The following PDE1A variants were observed in gnomAD, a reference collection of about 807,000 sequenced individuals.
PDE1A encodes dual specificity calcium/calmodulin-dependent 3',5'-cyclic nucleotide phosphodiesterase 1A.
In PDE1A, 35 loss-of-function variants were observed where a neutral mutation model predicts 61.7. That is an observed-to-expected ratio of 0.57 (90% CI 0.43 to 0.75). The LOEUF (loss-of-function observed/expected upper bound fraction) is 0.75. Ranked by LOEUF, PDE1A falls within the 30% of genes least tolerant of loss-of-function variation. The pLI is 0.00. For missense variants in PDE1A, 597 were observed against 630.6 expected (o/e 0.95, Z 0.57); for synonymous variants, 232 against 213.2 (o/e 1.09, Z -0.77).
intron 2 of PDE1A, among the ~76,000 whole-genome samples, chr2:182,483,883 C>T (rs1291471973): frequency 6.6e-6 from 1 of 151,730 alleles, no homozygotes; most frequent in African/African-American, 2.4e-5. Context: ...GCTATGTTAA[C>T]CAAGAAAAGA....
chr2:182,379,477 C>A (rs544638424), intron 1 of PDE1A, among the ~76,000 whole-genome samples: 1 of 152,164 alleles, frequency 6.6e-6, no homozygotes, highest in South Asian at 2.1e-4. Context: ...ACTACAGAAT[C>A]CCAGCTGTTC....
intron 13 of PDE1A, among the ~76,000 whole-genome samples, chr2:182,161,907 C>A (rs992159135): frequency 6.6e-6 from 1 of 152,090 alleles, no homozygotes; most frequent in Middle Eastern, 3.2e-3. Context: ...GTTTATTTGG[C>A]TGACTGGCTG....
the PDE1A span, among the ~76,000 whole-genome samples, chr2:182,648,200 C>A: frequency 6.6e-6 from 1 of 152,108 alleles, no homozygotes; most frequent in African/African-American, 2.4e-5. Context: ...TGAGCTAGCA[C>A]TGTAGCTAAA....
the PDE1A span, among the ~76,000 whole-genome samples, chr2:182,608,553 G>A: frequency 3.9e-5 from 6 of 152,300 alleles, no homozygotes; most frequent in East Asian, 9.7e-4. Context: ...GGCACTCGGA[G>A]CCGCGCCGCA....
intron 3 of PDE1A, among the ~76,000 whole-genome samples, chr2:182,238,637 T>C (rs989832619): frequency 6.6e-6 from 1 of 152,234 alleles, no homozygotes; most frequent in Admixed American, 6.5e-5. Flanking sequence ...ACTATTTTTA[T>C]GCACCTACTA....
At chr2:182,279,798 C>A (rs1693682099) in intron 1 of PDE1A, among the ~76,000 whole-genome samples, 1 of 151,828 alleles carries the variant, frequency 6.6e-6, no homozygotes, top group Non-Finnish European at 1.5e-5. Context: ...TTTCTTCATC[C>A]ACTTAGTCCT....
the PDE1A span, among the ~76,000 whole-genome samples, chr2:182,627,034 AT>A: frequency 0.01 from 1 of 96 alleles, no homozygotes; most frequent in Non-Finnish European, 0.031. Context: ...AAATATAAAT[AT>A]ATATATTATT....
chr2:182,293,868 G>T (rs552304392), intron 1 of PDE1A, among the ~76,000 whole-genome samples: 20 of 152,128 alleles, frequency 1.3e-4, no homozygotes, highest in Non-Finnish European at 2.6e-4. Context: ...AATGACATAG[G>T]CATTGTGAGG....
At chr2:182,153,324 T>C (rs1359081353) in intron 13 of PDE1A, among the ~76,000 whole-genome samples, 1 of 152,134 alleles carries the variant, frequency 6.6e-6, no homozygotes, top group Non-Finnish European at 1.5e-5. Context: ...GGTAGGAGTA[T>C]GCTGTTAGTG....
chr2:182,386,757 G>T (rs181916244), intron 1 of PDE1A, among the ~76,000 whole-genome samples: 3,123 of 151,708 alleles, frequency 0.021, 108 homozygotes, highest in African/African-American at 0.072. Flanking sequence ...GGGAGGTGGA[G>T]GGCCAGCCCC....
chr2:182,168,164 T>C (rs941390787), exon 14 of PDE1A: 1 of 1,542,610 alleles, frequency 6.5e-7, no homozygotes, highest in African/African-American at 1.4e-5. Flanking sequence ...ACAGGGTAGA[T>C]TTCCAGCAAG....
chr2:182,708,479 C>G, the PDE1A span, among the ~76,000 whole-genome samples: 1 of 152,166 alleles, frequency 6.6e-6, no homozygotes, highest in African/African-American at 2.4e-5. Context: ...AGTTTTTGCA[C>G]TGCTCTAAAG....
At chr2:182,293,076 G>T (rs914010233) in intron 1 of PDE1A, among the ~76,000 whole-genome samples, 1 of 151,948 alleles carries the variant, frequency 6.6e-6, no homozygotes, top group African/African-American at 2.4e-5. Flanking sequence ...GTGTAAGCAG[G>T]TACTCTTTTC....
the PDE1A span, among the ~76,000 whole-genome samples, chr2:182,540,630 CTTGAT>C: frequency 3.3e-5 from 5 of 152,152 alleles, no homozygotes; most frequent in Non-Finnish European, 4.4e-5. Flanking sequence ...TTAGTTATTT[CTTGAT>C]TTAAGTAAAG....
chr2:182,291,473 A>ATGAT (rs1559301825), intron 1 of PDE1A, among the ~76,000 whole-genome samples: 1 of 152,246 alleles, frequency 6.6e-6, no homozygotes, highest in East Asian at 1.9e-4. Flanking sequence ...CCACACTGGT[A>ATGAT]TGATTATGTG....
chr2:182,473,263 C>A (rs1057410146), intron 2 of PDE1A, among the ~76,000 whole-genome samples: 54 of 151,942 alleles, frequency 3.6e-4, no homozygotes, highest in African/African-American at 1.3e-3. Context: ...GCAACAAAAG[C>A]CAAAATTGAC....
At chr2:182,264,880 T>TAC (rs1279487328) in intron 1 of PDE1A, among the ~76,000 whole-genome samples, 3 of 136,542 alleles carry the variant, frequency 2.2e-5, no homozygotes, top group East Asian at 2.2e-4. Context: ...TATATATACA[T>TAC]ATATATATAT....
the PDE1A span, among the ~76,000 whole-genome samples, chr2:182,698,047 G>A: frequency 6.6e-6 from 1 of 152,120 alleles, no homozygotes; most frequent in Non-Finnish European, 1.5e-5. Flanking sequence ...TCAATTTTCT[G>A]TTAAACTCCT....
chr2:182,448,515 T>A (rs1202750148), intron 2 of PDE1A, among the ~76,000 whole-genome samples: 1 of 152,082 alleles, frequency 6.6e-6, no homozygotes, highest in African/African-American at 2.4e-5. Context: ...TTATGGACCA[T>A]TCTGCTGTGA....
Sources: gnomAD v4.1 joint callset for allele counts (sites outside exome capture counted in the v4.1 genomes callset) on GRCh38, gnomAD v4.1.1 for gene constraint, MANE v1.5 for transcripts, NCBI Gene and HGNC (gene_info 2026-07-23, HGNC 2026-07-21) for gene names.